Variants in ATP6V0E1 observed in about 807,000 individuals in gnomAD.
ATP6V0E1 encodes V-type proton ATPase subunit e 1.
In ATP6V0E1, 4 loss-of-function variants were observed where a neutral mutation model predicts 11.6. The ratio of observed to expected loss-of-function variants is 0.35; its 90% CI spans 0.17 to 0.79. ATP6V0E1 has a LOEUF of 0.79. ATP6V0E1 is among the 30% of genes least tolerant of loss of function. ATP6V0E1 has a pLI of 0.54. For missense variants in ATP6V0E1, 105 were observed against 100.0 expected, an observed-to-expected ratio of 1.05 and a Z score of -0.21; for synonymous variants, 36 against 34.8, an observed-to-expected ratio of 1.04 and a Z score of -0.13.
intron 2 of ATP6V0E1, among the ~76,000 whole-genome samples, chr5:173,008,960 T>G (rs1756271974): frequency 7.2e-6 from 1 of 139,020 alleles, no homozygotes; most frequent in African/African-American, 2.7e-5. Context: ...GGTGGGTGAC[T>G]CATGCGTGTA....
intron 1 of ATP6V0E1, among the ~76,000 whole-genome samples, chr5:172,992,034 C>CTCTT (rs147977102): frequency 0.12 from 18,820 of 151,328 alleles, 1,870 homozygotes; most frequent in African/African-American, 0.28. Flanking sequence ...TTCTTTCTCT[C>CTCTT]TCTCTCTTTT....
rs879473844 is a variant in ATP6V0E1 at position 173,002,906 on chromosome 5, C to T, written c.152+8084C>T. ...TGAGGGGTAAAGAGCTTGGGATAGC[C>T]GGGGACAGGGGTATCCCACCTGTAG... On this transcript the variant is annotated intron_variant, in intron 2 of 3. Transcript: ENST00000519374. Among the ~76,000 whole-genome samples the T allele has an allele frequency of 2.6e-5, 4 of 151,640 alleles. No homozygotes were observed. In the East Asian group the frequency reaches 5.8e-4, roughly 22 times the overall value.
intron 1 of ATP6V0E1, among the ~76,000 whole-genome samples, chr5:172,987,590 T>G (rs1361966120): frequency 6.6e-6 from 1 of 152,146 alleles, no homozygotes; most frequent in Non-Finnish European, 1.5e-5. Context: ...GGCCCCCTGC[T>G]ATAACATCTT....
At chr5:173,030,362 A>C (rs1356085876) in intron 3 of ATP6V0E1, among the ~76,000 whole-genome samples, 1 of 152,168 alleles carries the variant, frequency 6.6e-6, no homozygotes, top group Non-Finnish European at 1.5e-5. Context: ...TTTAAGAAGA[A>C]TATTCACTTA....
chr5:172,986,159 A>C (rs1755894118), intron 1 of ATP6V0E1, among the ~76,000 whole-genome samples: 1 of 152,232 alleles, frequency 6.6e-6, no homozygotes, highest in Non-Finnish European at 1.5e-5. Context: ...AATGTGAAGA[A>C]CCAGGACATT....
intron 2 of ATP6V0E1, among the ~76,000 whole-genome samples, chr5:173,011,140 GT>G (rs1490575187): frequency 6.7e-6 from 1 of 148,974 alleles, no homozygotes; most frequent in African/African-American, 2.5e-5. Context: ...CTAAATGATT[GT>G]GGAATAAATG....
chr5:173,014,891 C>T (rs1756380458), intron 2 of ATP6V0E1, among the ~76,000 whole-genome samples: 1 of 152,058 alleles, frequency 6.6e-6, no homozygotes, highest in Non-Finnish European at 1.5e-5. Flanking sequence ...TAACGGGAAG[C>T]GAGGACTTGA....
intron 1 of ATP6V0E1, among the ~76,000 whole-genome samples, chr5:172,989,222 C>T (rs1322214229): frequency 2.0e-5 from 3 of 151,188 alleles, no homozygotes; most frequent in African/African-American, 7.3e-5. Flanking sequence ...GACCTGTGGT[C>T]CTAGCTTCTC....
At chr5:173,022,217 T>A (rs769617789) in intron 3 of ATP6V0E1, among the ~76,000 whole-genome samples, 1 of 152,178 alleles carries the variant, frequency 6.6e-6, no homozygotes, top group Non-Finnish European at 1.5e-5. Context: ...TTGACTAGAT[T>A]TAGGTTCAAG....
chr5:173,025,978 C>T (rs1486995750), intron 3 of ATP6V0E1, among the ~76,000 whole-genome samples: 1 of 151,954 alleles, frequency 6.6e-6, no homozygotes, highest in Non-Finnish European at 1.5e-5. Flanking sequence ...GGCAATATAT[C>T]AAGACCTCAT....
intron 1 of ATP6V0E1, among the ~76,000 whole-genome samples, chr5:172,984,335 C>T (rs1348267669): frequency 6.6e-6 from 1 of 152,196 alleles, no homozygotes; most frequent in African/African-American, 2.4e-5. Flanking sequence ...CCACATGAGG[C>T]CTCGTTTGCC....
intron 2 of ATP6V0E1, among the ~76,000 whole-genome samples, chr5:172,996,561 CAA>C (rs55994987): frequency 1.6e-4 from 19 of 119,464 alleles, no homozygotes; most frequent in Admixed American, 6.1e-4. Flanking sequence ...GACTCCGCCT[CAA>C]AAAAAAAAAA....
At chr5:173,014,347 A>G (rs549013657) in intron 2 of ATP6V0E1, among the ~76,000 whole-genome samples, 1 of 152,288 alleles carries the variant, frequency 6.6e-6, no homozygotes, top group African/African-American at 2.4e-5. Flanking sequence ...CATATGATCC[A>G]GCATTCCCGC....
chr5:172,985,647 T>G (rs966225478), intron 1 of ATP6V0E1, among the ~76,000 whole-genome samples: 2 of 152,214 alleles, frequency 1.3e-5, no homozygotes, highest in Non-Finnish European at 2.9e-5. Context: ...AAGCATTTAT[T>G]AATGTACTAA....
intron 1 of ATP6V0E1, among the ~76,000 whole-genome samples, chr5:172,984,630 AGACTTCTTT>A (rs948733937): frequency 2.0e-5 from 3 of 152,232 alleles, no homozygotes; most frequent in Non-Finnish European, 4.4e-5. Flanking sequence ...TTGTTTTTCC[AGACTTCTTT>A]GTTGGTTAGA....
At chr5:173,026,580 A>G (rs1244507787) in intron 3 of ATP6V0E1, among the ~76,000 whole-genome samples, 1 of 152,220 alleles carries the variant, frequency 6.6e-6, no homozygotes, top group Admixed American at 6.5e-5. Context: ...AGCTACATAT[A>G]CTATTCTGTA....
At chr5:173,024,325 A>AT (rs1301779928) in intron 3 of ATP6V0E1, among the ~76,000 whole-genome samples, 35 of 151,492 alleles carry the variant, frequency 2.3e-4, no homozygotes, top group African/African-American at 8.5e-4. Flanking sequence ...ATTCAATGAG[A>AT]TTTTTTTTAA....
intron 2 of ATP6V0E1, among the ~76,000 whole-genome samples, chr5:172,999,966 A>C (rs939770874): frequency 6.6e-6 from 1 of 152,322 alleles, no homozygotes; most frequent in South Asian, 2.1e-4. Flanking sequence ...TACACACCTT[A>C]TTCCACAAAA....
intron 2 of ATP6V0E1, among the ~76,000 whole-genome samples, chr5:173,000,992 C>A: frequency 6.6e-6 from 1 of 152,146 alleles, no homozygotes; most frequent in South Asian, 2.1e-4. Context: ...TGAGCCACCG[C>A]CCCTGGCCAA....
Sources: gnomAD v4.1 joint callset for allele counts (sites outside exome capture counted in the v4.1 genomes callset) on GRCh38, gnomAD v4.1.1 for gene constraint, MANE v1.5 for transcripts, NCBI Gene and HGNC (gene_info 2026-07-23, HGNC 2026-07-21) for gene names.